Variants in CNTNAP2 observed in about 807,000 individuals in gnomAD.
CNTNAP2 encodes contactin associated protein 2.
Under a neutral mutation model 155.2 loss-of-function variants are expected in CNTNAP2, and 98 were observed. The ratio of observed to expected loss-of-function variants is 0.63; its 90% CI spans 0.54 to 0.75. CNTNAP2 has a LOEUF of 0.75. Among genes scored for constraint, CNTNAP2 ranks in the 30% least tolerant of loss-of-function variants. The probability of loss-of-function intolerance (pLI) is 0.00; values close to 1 mark genes in which losing one functional copy is unlikely to be tolerated. For synonymous variants in CNTNAP2, 651 were observed against 631.2 expected (o/e 1.03, Z -0.47); for missense variants, 1,727 against 1,688.1 (o/e 1.02, Z -0.40).
At chr7:147,374,883 A>C (rs1206725422) in intron 9 of CNTNAP2, among the ~76,000 whole-genome samples, 1 of 151,966 alleles carries the variant, frequency 6.6e-6, no homozygotes, top group African/African-American at 2.4e-5. Context: ...TACTCAGTTC[A>C]TCCTTGATAT....
At chr7:147,927,824 A>G (rs1800423927) in intron 14 of CNTNAP2, among the ~76,000 whole-genome samples, 1 of 152,244 alleles carries the variant, frequency 6.6e-6, no homozygotes, top group African/African-American at 2.4e-5. Context: ...AAAGGAAATT[A>G]GTGCAATGGC....
chr7:146,453,435 G>C (rs2129122795), intron 1 of CNTNAP2, among the ~76,000 whole-genome samples: 1 of 152,248 alleles, frequency 6.6e-6, no homozygotes, highest in South Asian at 2.1e-4. Flanking sequence ...ATGTTTCCAA[G>C]TAACTTAACT....
At chr7:148,361,823 G>A (rs1798626765) in intron 21 of CNTNAP2, among the ~76,000 whole-genome samples, 1 of 152,184 alleles carries the variant, frequency 6.6e-6, no homozygotes, top group South Asian at 2.1e-4. Context: ...ATACAATCAT[G>A]GCAGAAGGCA....
intron 1 of CNTNAP2, among the ~76,000 whole-genome samples, chr7:146,488,385 A>G (rs1407806489): frequency 6.6e-6 from 1 of 151,272 alleles, no homozygotes; most frequent in African/African-American, 2.4e-5. Flanking sequence ...TATTAATTAT[A>G]TCAGATTTAT....
intron 20 of CNTNAP2, among the ~76,000 whole-genome samples, chr7:148,255,509 A>C (rs1796441054): frequency 6.6e-6 from 1 of 152,200 alleles, no homozygotes; most frequent in African/African-American, 2.4e-5. Flanking sequence ...ATTAGTCTAG[A>C]TAAAGTAAAT....
Position 146,308,130 on chromosome 7 carries a change from GA to G in CNTNAP2, c.97+191164del, listed in dbSNP as rs902815748. 4.4e-5 allele frequency among the ~76,000 whole-genome samples: 6 copies of G among 136,792 alleles called. No homozygotes were observed. In the East Asian group the frequency reaches 8.2e-4, roughly 19 times the overall value. 89.7% of individuals were successfully genotyped at this position (136,792 alleles called of 152,430 possible). A position where few individuals can be genotyped will look rare whatever the true frequency, so the allele number is the denominator to read the frequency against. Reference sequence around the variant, plus strand: ...TACAAAGAACTTAACAAATTTACAAGAAAAAAATCAAACAACCCCATCAAAA... The same window carrying G: ...TACAAAGAACTTAACAAATTTACAAGAAAAAATCAAACAACCCCATCAAAA... On this transcript the variant is annotated intron_variant, in intron 1 of 23. Coordinates refer to ENST00000361727, the MANE Select transcript of CNTNAP2 (RefSeq NM_014141.6).
At chr7:148,271,652 T>C (rs573206675) in intron 21 of CNTNAP2, among the ~76,000 whole-genome samples, 1 of 152,182 alleles carries the variant, frequency 6.6e-6, no homozygotes, top group Non-Finnish European at 1.5e-5. Context: ...TGAAGGAGTC[T>C]CAGTGAAGAC....
At chr7:147,196,888 A>G (rs10279761) in intron 8 of CNTNAP2, among the ~76,000 whole-genome samples, 78,391 of 151,864 alleles carry the variant, frequency 0.52, 20,788 homozygotes, top group Middle Eastern at 0.67. Flanking sequence ...AAGATTTGCC[A>G]CCACAGCTGA....
chr7:147,347,544 C>A (rs929450607), intron 9 of CNTNAP2, among the ~76,000 whole-genome samples: 4 of 142,332 alleles, frequency 2.8e-5, no homozygotes, highest in African/African-American at 7.7e-5. Flanking sequence ...TCAAAGTATT[C>A]TTTTGCTTGG....
At chr7:148,205,366 C>A (rs532970492) in intron 18 of CNTNAP2, among the ~76,000 whole-genome samples, 2 of 152,212 alleles carry the variant, frequency 1.3e-5, no homozygotes, top group East Asian at 1.9e-4. Flanking sequence ...GCAGTCTCCT[C>A]GCAGCAAACT....
At chr7:147,334,510 T>C (rs550850108) in intron 9 of CNTNAP2, among the ~76,000 whole-genome samples, 11 of 152,298 alleles carry the variant, frequency 7.2e-5, no homozygotes, top group Admixed American at 5.2e-4. Flanking sequence ...CCATAGAAGA[T>C]AGAAATTGTT....
chr7:147,908,577 A>G (rs1207707816), intron 14 of CNTNAP2, among the ~76,000 whole-genome samples: 2 of 152,196 alleles, frequency 1.3e-5, no homozygotes, highest in East Asian at 1.9e-4. Flanking sequence ...AGTGAGGAAC[A>G]CTGTCCAGGC....
At chr7:147,072,124 G>T (rs1563065897) in intron 4 of CNTNAP2, among the ~76,000 whole-genome samples, 1 of 152,080 alleles carries the variant, frequency 6.6e-6, no homozygotes, top group Non-Finnish European at 1.5e-5. Context: ...GTGATGGCTG[G>T]TTGAGCTTTG....
chr7:146,522,085 T>C (rs17170123), intron 1 of CNTNAP2, among the ~76,000 whole-genome samples: 9,778 of 152,100 alleles, frequency 0.064, 774 homozygotes, highest in African/African-American at 0.19. Flanking sequence ...CTGATGAATT[T>C]CAATAGCTAG....
intron 16 of CNTNAP2, among the ~76,000 whole-genome samples, chr7:148,121,691 G>C (rs1256572269): frequency 6.6e-6 from 1 of 152,118 alleles, no homozygotes; most frequent in South Asian, 2.1e-4. Context: ...CTTCTGTCAA[G>C]AGTGGAAGAT....
At chr7:148,413,448 T>TATATATA (rs1563079571) in intron 23 of CNTNAP2, among the ~76,000 whole-genome samples, 1 of 101,468 alleles carries the variant, frequency 9.9e-6, no homozygotes, top group African/African-American at 4.3e-5. Context: ...ATATATATAT[T>TATATATA]GCTCCATAGT....
At chr7:146,434,434 A>C (rs1223752962) in intron 1 of CNTNAP2, among the ~76,000 whole-genome samples, 4 of 152,214 alleles carry the variant, frequency 2.6e-5, no homozygotes, top group Non-Finnish European at 5.9e-5. Context: ...CAGCAGTCTG[A>C]AACTTTCAAG....
chr7:147,481,014 C>T (rs891278642), intron 10 of CNTNAP2, among the ~76,000 whole-genome samples: 5 of 152,294 alleles, frequency 3.3e-5, no homozygotes, highest in African/African-American at 1.2e-4. Flanking sequence ...CTGATACACA[C>T]GGCACTGTTC....
chr7:147,033,150 A>ATATATATATG, intron 3 of CNTNAP2, among the ~76,000 whole-genome samples: 1 of 89,584 alleles, frequency 1.1e-5, no homozygotes. Flanking sequence ...ATTGCTGCAT[A>ATATATATATG]TATATATATG....
Sources: gnomAD v4.1 joint callset for allele counts (sites outside exome capture counted in the v4.1 genomes callset) on GRCh38, gnomAD v4.1.1 for gene constraint, MANE v1.5 for transcripts, NCBI Gene and HGNC (gene_info 2026-07-23, HGNC 2026-07-21) for gene names.